The following B3GAT1 variants were observed in gnomAD, a reference collection of about 807,000 sequenced individuals.
The protein encoded by B3GAT1 is beta-1,3-glucuronyltransferase 1, also known as galactosylgalactosylxylosylprotein 3-beta-glucuronosyltransferase 1.
In B3GAT1, 11 loss-of-function variants were observed where a neutral mutation model predicts 28.4. The observed-to-expected ratio is 0.39, with a 90% confidence interval of 0.24 to 0.64. The LOEUF is 0.64. Ranked by LOEUF, B3GAT1 falls within the 30% of genes least tolerant of loss-of-function variation. The pLI is 0.50. For synonymous variants in B3GAT1, 255 were observed against 223.1 expected (o/e 1.14, Z -1.27); for missense variants, 375 against 491.0 (o/e 0.76, Z 2.23).
chr11:134,412,098 GGCGGGGAGGGGGA>G lies in B3GAT1; in HGVS notation c.-586_-574del, dbSNP rs1212987343. Among the ~76,000 whole-genome samples, 540 of 48,250 alleles carry G rather than the reference GGCGGGGAGGGGGA, an allele frequency of 0.011. 4 individuals carry two copies. Among genetic ancestry groups the G allele is most frequent in the South Asian group, 0.055 (72 of 1,308 alleles). 31.7% of individuals were successfully genotyped at this position (48,250 alleles called of 152,430 possible). ...GCGGGCAGGGAGGCGGGGGGCGGGG[GGCGGGGAGGGGGA>G]GCGGGGAGGGGGAGCGGGGAGCGGG... On this transcript the variant is annotated 5_prime_UTR_variant, in exon 1 of 6. Coordinates refer to ENST00000312527, the MANE Select transcript of B3GAT1 (RefSeq NM_054025.3).
intron 1 of B3GAT1, among the ~76,000 whole-genome samples, chr11:134,397,987 GTGCCTGCTCCC>G (rs973044678): frequency 4.6e-5 from 7 of 152,172 alleles, no homozygotes; most frequent in Non-Finnish European, 7.3e-5. Context: ...AGCGACTCAG[GTGCCTGCTCCC>G]TGCCTGCTCC....
At chr11:134,382,409 ATGTG>A (rs3065378) in intron 4 of B3GAT1, among the ~76,000 whole-genome samples, 4 of 151,976 alleles carry the variant, frequency 2.6e-5, no homozygotes, top group Non-Finnish European at 5.9e-5. Context: ...GTGCATCTGC[ATGTG>A]TGTGTGCGCA....
chr11:134,397,352 C>A (rs1944525103), intron 1 of B3GAT1, among the ~76,000 whole-genome samples: 2 of 152,222 alleles, frequency 1.3e-5, no homozygotes, highest in African/African-American at 4.8e-5. Flanking sequence ...CTCAGGGATG[C>A]CTGCCCTGCG....
chr11:134,387,537 T>G lies in B3GAT1; in HGVS notation c.112+11A>C. 1 of 1,613,550 alleles carries G rather than the reference T, an allele frequency of 6.2e-7. No individual in the cohort carries two copies. Among genetic ancestry groups the G allele is most frequent in the Non-Finnish European group, 8.5e-7 (1 of 1,179,890 alleles). On this transcript the variant is annotated intron_variant, in intron 2 of 5. Coordinates refer to ENST00000312527, the MANE Select transcript of B3GAT1 (RefSeq NM_054025.3). ...CCCAGCTGGGCAGGCAGGGCATGCG[T>G]GCGTGCTCACCCTTATGTACCGCGA...
At chr11:134,397,070 C>T (rs981102497) in intron 1 of B3GAT1, among the ~76,000 whole-genome samples, 13 of 152,282 alleles carry the variant, frequency 8.5e-5, no homozygotes, top group African/African-American at 2.6e-4. Context: ...GTCATGGTCC[C>T]GGCATGAAAA....
intron 1 of B3GAT1, chr11:134,388,873 T>G (rs1014208589): frequency 3.3e-5 from 5 of 152,258 alleles, no homozygotes; most frequent in African/African-American, 1.2e-4. Context: ...GCACCTAGAT[T>G]GATTCCATGC....
intron 1 of B3GAT1, among the ~76,000 whole-genome samples, chr11:134,398,809 G>C (rs550690220): frequency 6.6e-6 from 1 of 152,182 alleles, no homozygotes; most frequent in Admixed American, 6.5e-5. Context: ...TGTGTGCTCC[G>C]GGCAGGCCTC....
chr11:134,387,173 C>A, intron 2 of B3GAT1: 5 of 212,572 alleles, frequency 2.4e-5, no homozygotes, highest in South Asian at 2.2e-4. Context: ...TTCCTTCCTA[C>A]CAAAACCACA....
intron 1 of B3GAT1, 116 bp from the exon 2 acceptor site, chr11:134,388,056 C>T (rs1389597753): frequency 2.4e-6 from 1 of 411,196 alleles, no homozygotes; most frequent in East Asian, 6.9e-5. Context: ...GGAGCCTCAA[C>T]TGTCCATCAC....
chr11:134,383,908 C>G lies in B3GAT1; in HGVS notation c.393G>C (p.Ala131=). ...EDAPRRTPLT[A]RLLRDTGLNY... Reference sequence around the variant, plus strand: ...TGAGGCCGGTGTCGCGCAGCAGGCGCGCGGTCAGCGGCGTCCGGCGCGGCG... The same window carrying G: ...TGAGGCCGGTGTCGCGCAGCAGGCGGGCGGTCAGCGGCGTCCGGCGCGGCG... Residue 131 remains alanine, a synonymous_variant, in exon 3 of 6, where the codon GCG becomes GCC. Transcript: ENST00000312527. 1.3e-6 allele frequency: 2 copies of G among 1,595,654 alleles called. No homozygotes were observed. Among genetic ancestry groups the G allele is most frequent in the Non-Finnish European group, 8.5e-7 (1 of 1,175,614 alleles).
chr11:134,398,162 T>C lies in B3GAT1; in HGVS notation c.-281-10222A>G, dbSNP rs1448317424. 3.9e-5 allele frequency among the ~76,000 whole-genome samples: 6 copies of C among 152,150 alleles called. No individual in the cohort carries two copies. The South Asian group carries it at 8.3e-4, about 21-fold the overall frequency. ...CAGCTGGCCTGCTGCTTGACACCCA[T>C]GTGCATGCGTGTGTGCATGTGTGAT... On this transcript the variant is annotated intron_variant, in intron 1 of 5. Coordinates refer to ENST00000312527, the MANE Select transcript of B3GAT1 (RefSeq NM_054025.3).
chr11:134,404,390 C>G (rs183804818), intron 1 of B3GAT1, among the ~76,000 whole-genome samples: 1 of 152,254 alleles, frequency 6.6e-6, no homozygotes, highest in African/African-American at 2.4e-5. Context: ...TGTAAATATA[C>G]TCAGCACTGC....
chr11:134,399,181 C>G (rs1944561351), intron 1 of B3GAT1, among the ~76,000 whole-genome samples: 1 of 152,232 alleles, frequency 6.6e-6, no homozygotes, highest in Non-Finnish European at 1.5e-5. Context: ...CTACCCGCCT[C>G]CAGCCTCACC....
chr11:134,387,919 A>G lies in B3GAT1; in HGVS notation c.-260T>C, dbSNP rs965172627. The G allele has an allele frequency of 1.8e-5, 26 of 1,458,418 alleles. No homozygotes were observed. Among genetic ancestry groups the G allele is most frequent in the Non-Finnish European group, 2.3e-5 (25 of 1,090,224 alleles). The allele number at this position is 1,458,418 out of a possible 1,614,324, so 90.3% of individuals were successfully genotyped here. ...GGGTCGCTGTCCAGGGGCAGGGGTCAGGAACCCTGGGGGGTGGACACCTGC... is the reference window on the plus strand; with the variant it reads ...GGGTCGCTGTCCAGGGGCAGGGGTCGGGAACCCTGGGGGGTGGACACCTGC... On this transcript the variant is annotated 5_prime_UTR_variant, in exon 2 of 6. It removes the in-frame stop codon of an upstream open reading frame in the 5' UTR. Coordinates refer to ENST00000312527, the MANE Select transcript of B3GAT1 (RefSeq NM_054025.3).
rs750139729 is a variant in B3GAT1 at position 134,398,064 on chromosome 11, G to A, written c.-281-10124C>T. ...GACTCAAGAAAACCCCTGGGGTTGA[G>A]TATTCTGTTCTGACAGGGCATCGAG... is the stretch of plus-strand genomic sequence containing the variant. On this transcript the variant is annotated intron_variant, in intron 1 of 5. Transcript: ENST00000312527. Among the ~76,000 whole-genome samples the A allele has an allele frequency of 2.2e-4, 34 of 152,314 alleles. No homozygotes were observed. In the Middle Eastern group the frequency reaches 0.01, roughly 46 times the overall value.
At chr11:134,410,203 G>A (rs1261742482) in intron 1 of B3GAT1, among the ~76,000 whole-genome samples, 1 of 152,194 alleles carries the variant, frequency 6.6e-6, no homozygotes, top group African/African-American at 2.4e-5. Flanking sequence ...TGATTTACCT[G>A]CCCCCTGCTT....
chr11:134,385,517 C>T (rs1421417457), intron 2 of B3GAT1: 1 of 151,936 alleles, frequency 6.6e-6, no homozygotes, highest in African/African-American at 2.4e-5. Flanking sequence ...TTAGAGGAGT[C>T]TGGGGTCAAA....
intron 5 of B3GAT1, 34 bp downstream of exon 5, chr11:134,381,890 C>T: frequency 6.4e-6 from 10 of 1,550,678 alleles, no homozygotes; most frequent in Non-Finnish European, 8.9e-6. Context: ...TGCCGCCCTG[C>T]CCAGTGTGTG....
chr11:134,378,769 T>C lies in B3GAT1; in HGVS notation c.*1993A>G, dbSNP rs1283166138. On this transcript the variant is annotated 3_prime_UTR_variant, in exon 6 of 6. Transcript: ENST00000312527. ...TTCCCAATAAAGATGAAGGCTGCAGTCCACCAGGGTTATAATTATAAATAA... is the reference window on the plus strand; with the variant it reads ...TTCCCAATAAAGATGAAGGCTGCAGCCCACCAGGGTTATAATTATAAATAA... The C allele has an allele frequency of 6.6e-6, 1 of 152,158 alleles. No individual in the cohort carries two copies. Among genetic ancestry groups the C allele is most frequent in the African/African-American group, 2.4e-5 (1 of 41,452 alleles). The allele number at this position is 152,158 out of a possible 1,614,324, so 9.4% of individuals were successfully genotyped here.
Sources: gnomAD v4.1 joint callset for allele counts (sites outside exome capture counted in the v4.1 genomes callset) on GRCh38, gnomAD v4.1.1 for gene constraint, MANE v1.5 for transcripts, NCBI Gene and HGNC (gene_info 2026-07-23, HGNC 2026-07-21) for gene names.